PCDH9: variants seen among roughly 807,000 people sequenced by gnomAD.
PCDH9 encodes protocadherin 9, also known as protocadherin-9.
PCDH9 carries 24 observed loss-of-function variants against 70.6 expected under a neutral mutation model. The ratio of observed to expected loss-of-function variants is 0.34; its 90% confidence interval spans 0.25 to 0.48. The LOEUF is 0.48. PCDH9 is among the 20% of genes least tolerant of loss of function. The probability of loss-of-function intolerance (pLI) is 0.99; values close to 1 mark genes in which losing one functional copy is unlikely to be tolerated. For missense variants in PCDH9, 1,281 were observed against 1,503.6 expected, an observed-to-expected ratio of 0.85 and a Z score of 2.45; for synonymous variants, 562 against 558.5, an observed-to-expected ratio of 1.01 and a Z score of -0.09.
At chr13:66,963,370 T>G (rs189167739) in intron 2 of PCDH9, among the ~76,000 whole-genome samples, 1 of 152,302 alleles carries the variant, frequency 6.6e-6, no homozygotes, top group African/African-American at 2.4e-5. Flanking sequence ...GCGCAAAACA[T>G]TGCATAAATT....
chr13:66,598,183 T>C (rs1027078914), intron 4 of PCDH9, among the ~76,000 whole-genome samples: 2 of 151,794 alleles, frequency 1.3e-5, no homozygotes, highest in Non-Finnish European at 2.9e-5. Context: ...GGAGTTCCTC[T>C]GCAAATTTAA....
intron 2 of PCDH9, among the ~76,000 whole-genome samples, chr13:66,906,932 G>C (rs147761757): frequency 4.6e-5 from 7 of 151,862 alleles, no homozygotes; most frequent in Non-Finnish European, 8.8e-5. Flanking sequence ...TCGGCTGGGC[G>C]CAGTGGCTCA....
chr13:66,733,677 C>CTTTTTT (rs11366736), intron 3 of PCDH9, among the ~76,000 whole-genome samples: 3 of 147,214 alleles, frequency 2.0e-5, no homozygotes, highest in Non-Finnish European at 4.5e-5. Context: ...TAAAGGTAGG[C>CTTTTTT]TTTTTTTTTT....
At chr13:66,977,052 A>T (rs1425984535) in intron 2 of PCDH9, among the ~76,000 whole-genome samples, 3 of 152,088 alleles carry the variant, frequency 2.0e-5, no homozygotes, top group African/African-American at 7.2e-5. Flanking sequence ...GCTTTTCCTT[A>T]CTTACCAGAG....
At chr13:67,167,362 A>G (rs753007361) in intron 2 of PCDH9, among the ~76,000 whole-genome samples, 1 of 152,136 alleles carries the variant, frequency 6.6e-6, no homozygotes, top group Non-Finnish European at 1.5e-5. Context: ...TCATAGTATG[A>G]TTGTGCGGAC....
At chr13:66,531,920 A>G (rs1960473530) in intron 4 of PCDH9, among the ~76,000 whole-genome samples, 1 of 152,124 alleles carries the variant, frequency 6.6e-6, no homozygotes, top group African/African-American at 2.4e-5. Flanking sequence ...CTCCTATAAA[A>G]TGAGGAGAAT....
chr13:66,907,811 C>T (rs1325052141), intron 2 of PCDH9, among the ~76,000 whole-genome samples: 1 of 152,092 alleles, frequency 6.6e-6, no homozygotes, highest in Non-Finnish European at 1.5e-5. Flanking sequence ...ATTACTACTC[C>T]TACCTTCTTA....
chr13:66,493,366 T>A (rs1316314233), intron 4 of PCDH9, among the ~76,000 whole-genome samples: 1 of 152,206 alleles, frequency 6.6e-6, no homozygotes, highest in Non-Finnish European at 1.5e-5. Flanking sequence ...CAAGGTTCTA[T>A]TCTTAATAAA....
chr13:67,224,731 T>A (rs1333761328), intron 2 of PCDH9: 1 of 157,658 alleles, frequency 6.3e-6, no homozygotes, highest in Non-Finnish European at 9.7e-6. Flanking sequence ...GCAAGCATTC[T>A]TTTTTTTTTT....
At chr13:66,744,168 T>C (rs1165645710) in intron 3 of PCDH9, among the ~76,000 whole-genome samples, 1 of 152,218 alleles carries the variant, frequency 6.6e-6, no homozygotes, top group Non-Finnish European at 1.5e-5. Flanking sequence ...TCCAAAACTA[T>C]AAACCCTTCT....
At chr13:66,861,880 T>C (rs1479316258) in intron 3 of PCDH9, among the ~76,000 whole-genome samples, 1 of 152,210 alleles carries the variant, frequency 6.6e-6, no homozygotes, top group African/African-American at 2.4e-5. Flanking sequence ...TGTATTGAAG[T>C]TGACGGTTTC....
intron 4 of PCDH9, among the ~76,000 whole-genome samples, chr13:66,551,973 A>T (rs947250243): frequency 3.9e-5 from 6 of 152,148 alleles, no homozygotes; most frequent in Non-Finnish European, 8.8e-5. Flanking sequence ...TAAAAGCAAA[A>T]TGAACCTCTT....
At chr13:66,470,454 T>C (rs940312851) in intron 4 of PCDH9, among the ~76,000 whole-genome samples, 7 of 152,134 alleles carry the variant, frequency 4.6e-5, no homozygotes, top group Non-Finnish European at 7.4e-5. Context: ...GTCACTAAAG[T>C]ACTCTGAAAA....
rs192004534 is a variant in PCDH9, at chr13:67,185,821, C to T, written c.3036+39584G>A. On this transcript the variant is annotated intron_variant, in intron 2 of 4. Transcript: ENST00000377865. Reference sequence around the variant, plus strand: ...AATCTCAGCTCACTGCAATCTCCGCCTCCCGGATTCAAGCAGTTCTCCTGC... The same window carrying T: ...AATCTCAGCTCACTGCAATCTCCGCTTCCCGGATTCAAGCAGTTCTCCTGC... Among the ~76,000 whole-genome samples, 157 of 152,304 alleles carry T rather than the reference C, an allele frequency of 1.0e-3. 3 individuals are homozygous for T. Among genetic ancestry groups the T allele is most frequent in the African/African-American group, 3.7e-3 (153 of 41,568 alleles).
In PCDH9 at chr13:66,705,386, C is replaced by T. The variant is rs541321280; in HGVS notation, c.3139-73975G>A. Among the ~76,000 whole-genome samples, 13 of 152,246 alleles carry T rather than the reference C, an allele frequency of 8.5e-5. No homozygotes were observed. The East Asian group carries it at 9.6e-4, about 11-fold the overall frequency. On this transcript the variant is annotated intron_variant, in intron 3 of 4. Coordinates refer to ENST00000377865, the MANE Select transcript of PCDH9 (RefSeq NM_203487.3). ...ATTTGGATGCTAACACATTTTTCCA[C>T]GCTTAACTATATGTTGATTCAACAT...
intron 4 of PCDH9, among the ~76,000 whole-genome samples, chr13:66,630,942 T>A (rs2138933656): frequency 6.6e-6 from 1 of 152,290 alleles, no homozygotes; most frequent in East Asian, 1.9e-4. Flanking sequence ...TCAGAATATC[T>A]TGCAACAAAT....
At chr13:66,347,673 C>T (rs79033560) in intron 4 of PCDH9, among the ~76,000 whole-genome samples, 4,661 of 152,198 alleles carry the variant, frequency 0.031, 178 homozygotes, top group East Asian at 0.19. Flanking sequence ...TACCGGCCCT[C>T]CTGCCCAGCC....
chr13:66,859,119 T>C (rs946186926), intron 3 of PCDH9: 19 of 152,314 alleles, frequency 1.2e-4, no homozygotes, highest in African/African-American at 4.1e-4. Context: ...CATGTGTGCC[T>C]GGTAAGTCCT....
intron 4 of PCDH9, among the ~76,000 whole-genome samples, chr13:66,553,718 A>G (rs1394791309): frequency 2.0e-5 from 3 of 152,200 alleles, no homozygotes; most frequent in Non-Finnish European, 4.4e-5. Flanking sequence ...TACCTCTTGT[A>G]TATAATACAT....
Sources: gnomAD v4.1 joint callset for allele counts (sites outside exome capture counted in the v4.1 genomes callset) on GRCh38, gnomAD v4.1.1 for gene constraint, MANE v1.5 for transcripts, NCBI Gene and HGNC (gene_info 2026-07-23, HGNC 2026-07-21) for gene names.